Variants in TRIM44 observed in about 807,000 individuals in gnomAD.
TRIM44 encodes the protein tripartite motif-containing protein 44.
A neutral mutation model predicts 37.4 loss-of-function variants in TRIM44; 13 were observed. The ratio of observed to expected loss-of-function variants is 0.35; its 90% CI spans 0.23 to 0.55. TRIM44 has a LOEUF of 0.55. Among genes scored for constraint, TRIM44 ranks in the 20% least tolerant of loss-of-function variants. TRIM44 has a pLI of 0.89. For missense variants in TRIM44, 426 were observed against 437.2 expected, an observed-to-expected ratio of 0.97 and a Z score of 0.23; for synonymous variants, 175 against 157.2, an observed-to-expected ratio of 1.11 and a Z score of -0.85.
chr11:35,742,761 T>A (rs944189942), intron 4 of TRIM44, among the ~76,000 whole-genome samples: 4 of 124,716 alleles, frequency 3.2e-5, no homozygotes, highest in Non-Finnish European at 6.3e-5. Context: ...TTATATGTTA[T>A]GTATTATATA....
Position 35,696,137 on chromosome 11 carries a change from T to A in TRIM44, c.747+10801T>A, listed in dbSNP as rs987487844. Among the ~76,000 whole-genome samples, 4 of 131,580 alleles carry A rather than the reference T, an allele frequency of 3.0e-5. 1 individual carries two copies. The South Asian group carries it at 7.0e-4, about 23-fold the overall frequency. 86.3% of individuals were successfully genotyped at this position (131,580 alleles called of 152,430 possible). On this transcript the variant is annotated intron_variant, in intron 2 of 4. Coordinates refer to ENST00000299413, the MANE Select transcript of TRIM44 (RefSeq NM_017583.6). Reference sequence around the variant, plus strand: ...CATTTAGCCAAAATGATGAGTCAAATTTTTTTTTTTTTTTTTTTTGAGACG... The same window carrying A: ...CATTTAGCCAAAATGATGAGTCAAAATTTTTTTTTTTTTTTTTTTGAGACG...
intron 4 of TRIM44, among the ~76,000 whole-genome samples, chr11:35,795,043 G>A (rs570657741): frequency 6.6e-6 from 1 of 152,292 alleles, no homozygotes; most frequent in African/African-American, 2.4e-5. Flanking sequence ...GAATGTTAAT[G>A]AGTCATTCAT....
At chr11:35,680,209 T>G (rs1851507520) in intron 1 of TRIM44, among the ~76,000 whole-genome samples, 1 of 152,208 alleles carries the variant, frequency 6.6e-6, no homozygotes, top group Admixed American at 6.5e-5. Flanking sequence ...TTGGCCCTCT[T>G]GGTCAACTTC....
At chr11:35,715,416 G>T (rs1564972520) in intron 2 of TRIM44, among the ~76,000 whole-genome samples, 1 of 151,728 alleles carries the variant, frequency 6.6e-6, no homozygotes, top group Non-Finnish European at 1.5e-5. Context: ...GTGTGTGTGT[G>T]TGTGTGTGTG....
intron 1 of TRIM44, among the ~76,000 whole-genome samples, chr11:35,684,412 T>C (rs1296842118): frequency 2.0e-5 from 3 of 152,176 alleles, no homozygotes; most frequent in Non-Finnish European, 4.4e-5. Flanking sequence ...CATTAGTCTT[T>C]TATTGTACTG....
At position 35,809,413 on chromosome 11, in the gene TRIM44, A is replaced by AATC. The variant is rs1853500122; in HGVS notation, c.*3029_*3031dup. 6.6e-6 allele frequency: 1 copy of AATC among 152,192 alleles called. No homozygotes were observed. The highest frequency in any genetic ancestry group is 2.4e-5 in the African/African-American group (1 of 41,458). 9.4% of individuals were successfully genotyped at this position (152,192 alleles called of 1,614,324 possible). On this transcript the variant is annotated 3_prime_UTR_variant, in exon 5 of 5. Coordinates refer to ENST00000299413, the MANE Select transcript of TRIM44 (RefSeq NM_017583.6). ...TGTGTGCTGACCATCCCAATTTATGAATCTTCTTCAAAATGACATTTCACA... is the reference window on the plus strand; with the variant it reads ...TGTGTGCTGACCATCCCAATTTATGAATCATCTTCTTCAAAATGACATTTCACA...
chr11:35,744,945 C>A (rs1394243259), intron 4 of TRIM44, among the ~76,000 whole-genome samples: 1 of 152,164 alleles, frequency 6.6e-6, no homozygotes, highest in African/African-American at 2.4e-5. Context: ...GTATATGTAT[C>A]ACATTTTCTT....
At chr11:35,717,006 T>G (rs1564973566) in intron 2 of TRIM44, among the ~76,000 whole-genome samples, 1 of 152,028 alleles carries the variant, frequency 6.6e-6, no homozygotes, top group Non-Finnish European at 1.5e-5. Flanking sequence ...TGAAAAAAGG[T>G]AGCAGTGATA....
chr11:35,765,446 A>ATT (rs1852784923), intron 4 of TRIM44, among the ~76,000 whole-genome samples: 1 of 152,226 alleles, frequency 6.6e-6, no homozygotes, highest in Admixed American at 6.5e-5. Flanking sequence ...ATGTTGACTC[A>ATT]TTCCGACCAG....
chr11:35,737,385 G>A (rs1852339334), intron 4 of TRIM44, among the ~76,000 whole-genome samples: 2 of 152,232 alleles, frequency 1.3e-5, no homozygotes, highest in South Asian at 4.2e-4. Flanking sequence ...GAGGTGGATC[G>A]AGAGCCTGGG....
In TRIM44 at chr11:35,663,295, C is replaced by T; in HGVS notation, c.184C>T (p.His62Tyr). 2 of 1,614,072 alleles carry T rather than the reference C, an allele frequency of 1.2e-6. No homozygotes were observed. The highest frequency in any genetic ancestry group is 1.1e-5 in the South Asian group (1 of 91,074). Residue 62 changes from histidine (H) to tyrosine (Y), a missense_variant, in exon 1 of 5, where the codon CAC (histidine) becomes TAC (tyrosine). By Grantham distance (83) the His-to-Tyr change is moderately conservative. Around this residue, in one of 2 missense-constraint regions of TRIM44, gnomAD observed 331 missense variants for 303.0 expected, o/e 1.09. Coordinates refer to ENST00000299413, the MANE Select transcript of TRIM44 (RefSeq NM_017583.6). ...FLSHHLAEYV[H>Y]GSQAWTPPAD... Reference sequence around the variant, plus strand: ...CAGTCACCATCTGGCCGAATACGTCCACGGCTCCCAGGCCTGGACCCCGCC... The same window carrying T: ...CAGTCACCATCTGGCCGAATACGTCTACGGCTCCCAGGCCTGGACCCCGCC...
intron 2 of TRIM44, among the ~76,000 whole-genome samples, chr11:35,702,410 A>T (rs577198477): frequency 2.0e-5 from 3 of 152,190 alleles, no homozygotes; most frequent in African/African-American, 2.4e-5. Context: ...GAGTGCCTTG[A>T]GGAAAAGGGC....
chr11:35,762,519 T>C (rs568641048), intron 4 of TRIM44, among the ~76,000 whole-genome samples: 22 of 152,310 alleles, frequency 1.4e-4, no homozygotes, highest in African/African-American at 4.8e-4. Flanking sequence ...TTATTGAGCC[T>C]TGACTAGGTG....
chr11:35,740,305 G>C (rs1390255691), intron 4 of TRIM44, among the ~76,000 whole-genome samples: 2 of 152,088 alleles, frequency 1.3e-5, no homozygotes, highest in African/African-American at 2.4e-5. Context: ...TCCTAGGAGA[G>C]GGGGTGGCAA....
chr11:35,786,484 C>T (rs912448143), intron 4 of TRIM44, among the ~76,000 whole-genome samples: 3 of 152,178 alleles, frequency 2.0e-5, no homozygotes, highest in Admixed American at 6.5e-5. Context: ...TACACTACTA[C>T]CACCTCATTA....
chr11:35,709,943 A>G (rs760870297), intron 2 of TRIM44, among the ~76,000 whole-genome samples: 1 of 152,236 alleles, frequency 6.6e-6, no homozygotes, highest in Non-Finnish European at 1.5e-5. Context: ...CCTTGTGGTC[A>G]GAACAAATTT....
chr11:35,688,459 CT>C (rs996038142), intron 2 of TRIM44, among the ~76,000 whole-genome samples: 5 of 152,112 alleles, frequency 3.3e-5, no homozygotes, highest in African/African-American at 1.2e-4. Flanking sequence ...AAAATCTCCC[CT>C]AAGTTAGCCA....
rs111236407 is a variant in TRIM44, at chr11:35,686,305, T to G, written c.747+969T>G. Among the ~76,000 whole-genome samples the G allele has an allele frequency of 3.2e-3, 483 of 152,052 alleles. 2 individuals are homozygous for G. Among genetic ancestry groups the G allele is most frequent in the African/African-American group, 0.011 (447 of 41,490 alleles). On this transcript the variant is annotated intron_variant, in intron 2 of 4. Coordinates refer to ENST00000299413, the MANE Select transcript of TRIM44 (RefSeq NM_017583.6). ...AGCTGGCTTTGCCTTAGAATCAAAGTTTCTCACAATTAAATAGGGAAAGGC... is the reference window on the plus strand; with the variant it reads ...AGCTGGCTTTGCCTTAGAATCAAAGGTTCTCACAATTAAATAGGGAAAGGC...
At chr11:35,728,425 T>C (rs1398842905) in intron 3 of TRIM44, among the ~76,000 whole-genome samples, 1 of 152,222 alleles carries the variant, frequency 6.6e-6, no homozygotes, top group Non-Finnish European at 1.5e-5. Context: ...GCACCTCAGC[T>C]GTACTATGCT....
Sources: gnomAD v4.1 joint callset for allele counts (sites outside exome capture counted in the v4.1 genomes callset) on GRCh38, gnomAD v4.1.1 for gene constraint, gnomAD v4.1.1 regional missense constraint, MANE v1.5 for transcripts, NCBI Gene and HGNC (gene_info 2026-07-23, HGNC 2026-07-21) for gene names.